CNNM1: variants seen among roughly 807,000 people sequenced by gnomAD.
CNNM1 encodes the protein metal transporter CNNM1.
CNNM1 carries 44 observed loss-of-function variants against 78.8 expected under a neutral mutation model. That is an observed-to-expected ratio of 0.56 (90% CI 0.44 to 0.72). The LOEUF is 0.72. CNNM1 is among the 30% of genes least tolerant of loss of function. CNNM1 has a pLI of 0.00. For missense variants in CNNM1, 1,101 were observed against 1,292.2 expected (o/e 0.85, Z 2.27); for synonymous variants, 584 against 581.5 (o/e 1.00, Z -0.06).
chr10:99,372,324 GAATGAGGTCTGCCAC>G (rs2031829187), intron 6 of CNNM1, among the ~76,000 whole-genome samples: 1 of 152,150 alleles, frequency 6.6e-6, no homozygotes, highest in African/African-American at 2.4e-5. Context: ...AAGGCTGCAG[GAATGAGGTCTGCCAC>G]AATTTCACAG....
At chr10:99,379,639 G>T (rs1196577835) in intron 7 of CNNM1, among the ~76,000 whole-genome samples, 2 of 115,278 alleles carry the variant, frequency 1.7e-5, no homozygotes, top group Non-Finnish European at 3.5e-5. Flanking sequence ...AGTGTGGCGG[G>T]ATTTTTTTTT....
chr10:99,360,872 G>GCTT lies in CNNM1; in HGVS notation c.1756_1757insTTC (p.Glu585_Arg586insLeu). 1 of 1,612,250 alleles carries GCTT rather than the reference G, an allele frequency of 6.2e-7. No homozygotes were observed. Among genetic ancestry groups the GCTT allele is most frequent in the Non-Finnish European group, 8.5e-7 (1 of 1,178,502 alleles). ...AAAAGCAGAGGGTCCCGCAACGGGA[G>GCTT]CGGAAGCGGCATGACTTCTCCTTGT... is the stretch of plus-strand genomic sequence containing the variant. On this transcript the variant is annotated inframe_insertion, in exon 3 of 11. Transcript: ENST00000356713.
intron 7 of CNNM1, among the ~76,000 whole-genome samples, chr10:99,378,750 GT>G (rs2032052500): frequency 1.3e-5 from 2 of 152,182 alleles, no homozygotes; most frequent in South Asian, 4.1e-4. Context: ...AAGAGTTCAG[GT>G]TTGAGGAGTA....
At chr10:99,339,736 C>T (rs562787218) in intron 1 of CNNM1, among the ~76,000 whole-genome samples, 1 of 152,292 alleles carries the variant, frequency 6.6e-6, no homozygotes, top group Non-Finnish European at 1.5e-5. Context: ...AGTATTCCAA[C>T]CAGCCAGTAA....
chr10:99,369,123 C>A (rs1275114636), intron 6 of CNNM1, among the ~76,000 whole-genome samples: 2 of 152,288 alleles, frequency 1.3e-5, no homozygotes, highest in South Asian at 4.1e-4. Context: ...TAGCTCTGCT[C>A]GTACAAAGGA....
At chr10:99,332,548 A>AGGAG (rs968760359) in intron 1 of CNNM1, among the ~76,000 whole-genome samples, 4 of 141,114 alleles carry the variant, frequency 2.8e-5, no homozygotes, top group Admixed American at 6.9e-5. Context: ...GAGGAAGGGA[A>AGGAG]GGAGGGAGGG....
At chr10:99,333,715 G>C (rs760835801) in intron 1 of CNNM1, among the ~76,000 whole-genome samples, 1 of 152,160 alleles carries the variant, frequency 6.6e-6, no homozygotes, top group African/African-American at 2.4e-5. Flanking sequence ...TCCTCAGGAG[G>C]TTAGCAATAT....
chr10:99,356,486 AAG>A (rs60050038), intron 1 of CNNM1, among the ~76,000 whole-genome samples: 9,287 of 137,042 alleles, frequency 0.068, 1,029 homozygotes, highest in African/African-American at 0.23. Flanking sequence ...GAAAGAAAGA[AAG>A]AGAGAGAGAG....
At chr10:99,356,716 TC>T (rs916074190) in intron 1 of CNNM1, among the ~76,000 whole-genome samples, 22 of 152,018 alleles carry the variant, frequency 1.4e-4, no homozygotes, top group African/African-American at 5.1e-4. Flanking sequence ...GACTGGCAGA[TC>T]CACTTCCAAG....
At chr10:99,367,057 C>T (rs1009766905) in intron 6 of CNNM1, among the ~76,000 whole-genome samples, 4 of 152,092 alleles carry the variant, frequency 2.6e-5, no homozygotes, top group East Asian at 1.9e-4. Flanking sequence ...CCATCCTCCC[C>T]GAACCCATAC....
chr10:99,366,653 G>A lies in CNNM1; in HGVS notation c.2176+1651G>A, dbSNP rs191651600. On this transcript the variant is annotated intron_variant, in intron 6 of 10. Transcript: ENST00000356713. ...AAAAATTAGCCAGGCATGGTAGCACGTGCCTTTGATCCCAGCTACTAGGGA... is the reference window on the plus strand; with the variant it reads ...AAAAATTAGCCAGGCATGGTAGCACATGCCTTTGATCCCAGCTACTAGGGA... Among the ~76,000 whole-genome samples the A allele has an allele frequency of 3.2e-3, 481 of 152,166 alleles. 4 individuals are homozygous for A. The highest frequency in any genetic ancestry group is 0.011 in the African/African-American group (456 of 41,520).
chr10:99,341,354 G>C (rs775133755), intron 1 of CNNM1, among the ~76,000 whole-genome samples: 2 of 152,090 alleles, frequency 1.3e-5, no homozygotes, highest in Non-Finnish European at 2.9e-5. Context: ...CGTCTGGGCA[G>C]GTCAGTTCAG....
chr10:99,375,316 G>T (rs969940663), intron 6 of CNNM1, among the ~76,000 whole-genome samples: 4 of 152,204 alleles, frequency 2.6e-5, no homozygotes, highest in African/African-American at 9.7e-5. Context: ...GGAGACTGTG[G>T]TCCAGGTGAG....
chr10:99,348,070 C>T lies in CNNM1; in HGVS notation c.1574-9442C>T, dbSNP rs148923723. Among the ~76,000 whole-genome samples, 1,150 of 147,422 alleles carry T rather than the reference C, an allele frequency of 7.8e-3. 30 individuals are homozygous for T. The highest frequency in any genetic ancestry group is 0.041 in the Admixed American group (608 of 14,704). On this transcript the variant is annotated intron_variant, in intron 1 of 10. Coordinates refer to ENST00000356713, the MANE Select transcript of CNNM1 (RefSeq NM_020348.3). ...TATATATTTTTTTTTTTTGAGACAA[C>T]ATCTCACTGTCACCCAGGCTGGTGT... is the stretch of plus-strand genomic sequence containing the variant.
At chr10:99,360,015 GA>G (rs1364274212) in intron 2 of CNNM1, among the ~76,000 whole-genome samples, 1 of 96,706 alleles carries the variant, frequency 1.0e-5, no homozygotes, top group African/African-American at 3.0e-5. Flanking sequence ...AATTAAATTG[GA>G]AAAAGCAAAT....
intron 7 of CNNM1, among the ~76,000 whole-genome samples, chr10:99,385,196 C>T (rs117477827): frequency 0.032 from 4,895 of 152,224 alleles, 147 homozygotes; most frequent in Non-Finnish European, 0.047. Context: ...GCCTGGGGGA[C>T]GCAGCCAGTC....
At chr10:99,348,050 A>ATATAT (rs1352183839) in intron 1 of CNNM1, among the ~76,000 whole-genome samples, 138 of 131,682 alleles carry the variant, frequency 1.0e-3, no homozygotes, top group African/African-American at 4.0e-3. Context: ...ATATATATAT[A>ATATAT]TTTTTTTTTT....
intron 1 of CNNM1, among the ~76,000 whole-genome samples, chr10:99,332,607 T>A (rs1237189485): frequency 2.0e-5 from 3 of 152,102 alleles, no homozygotes; most frequent in African/African-American, 7.2e-5. Context: ...TCATAAATAA[T>A]CTTTAGAACT....
chr10:99,354,205 G>C (rs1293231738), intron 1 of CNNM1, among the ~76,000 whole-genome samples: 1 of 152,136 alleles, frequency 6.6e-6, no homozygotes, highest in East Asian at 1.9e-4. Context: ...AGAAAAATGT[G>C]TTAGAAACGA....
Sources: gnomAD v4.1 joint callset for allele counts (sites outside exome capture counted in the v4.1 genomes callset) on GRCh38, gnomAD v4.1.1 for gene constraint, MANE v1.5 for transcripts, NCBI Gene and HGNC (gene_info 2026-07-23, HGNC 2026-07-21) for gene names.